PKN3: variants seen among roughly 807,000 people sequenced by gnomAD.
PKN3 encodes the protein protein kinase N3, also known as serine/threonine-protein kinase N3.
In PKN3, 91 loss-of-function variants were observed where a neutral mutation model predicts 113.1. The observed-to-expected ratio is 0.80, with a 90% CI of 0.68 to 0.96. The LOEUF (loss-of-function observed/expected upper bound fraction) is 0.96. Among genes scored for constraint, PKN3 ranks in the 40% least tolerant of loss-of-function variants. PKN3 has a pLI of 0.00. For synonymous variants in PKN3, 467 were observed against 499.0 expected, an observed-to-expected ratio of 0.94 and a Z score of 0.85; for missense variants, 1,052 against 1,202.2, an observed-to-expected ratio of 0.88 and a Z score of 1.85.
At chr9:128,708,855 AAG>A (rs1862097473) in intron 6 of PKN3, among the ~76,000 whole-genome samples, 3 of 123,890 alleles carry the variant, frequency 2.4e-5, no homozygotes, top group Non-Finnish European at 3.5e-5. Flanking sequence ...AAAAAAAAAA[AAG>A]AAAGAGTTTT....
chr9:128,706,660 G>C, intron 3 of PKN3, 53 bp from the exon 4 acceptor site: 2 of 1,332,790 alleles, frequency 1.5e-6, no homozygotes, highest in Non-Finnish European at 2.0e-6. Flanking sequence ...TGGTCTGATG[G>C]GGGAAGCTGT....
intron 1 of PKN3, among the ~76,000 whole-genome samples, chr9:128,704,755 C>T (rs1232250607): frequency 1.3e-5 from 2 of 151,980 alleles, no homozygotes; most frequent in Non-Finnish European, 2.9e-5. Context: ...CCCGTCCCTA[C>T]TAAAAATACA....
At position 128,713,595 on chromosome 9, in the gene PKN3, C is replaced by T. The variant is rs747628085; in HGVS notation, c.1189C>T (p.His397Tyr). ...TGAGGACTTCCTGGACAATGCCTGTCACCAACTGTCCCTCAGCCTGGTACC... is the reference window on the plus strand; with the variant it reads ...TGAGGACTTCCTGGACAATGCCTGTTACCAACTGTCCCTCAGCCTGGTACC... ...RLEDFLDNAC[H>Y]QLSLSLVPQG... The change falls in exon 9 of 22, where the codon CAC (histidine) becomes TAC (tyrosine). Residue 397 changes from histidine to tyrosine, a missense_variant. Physicochemically the swap from His to Tyr is moderately conservative, Grantham distance 83 (BLOSUM62 2). Around this residue, in one of 2 missense-constraint regions of PKN3, gnomAD observed 719 missense variants for 759.4 expected, o/e 0.95. Coordinates refer to ENST00000291906, the MANE Select transcript of PKN3 (RefSeq NM_013355.5). 13 of 1,613,700 alleles carry T rather than the reference C, an allele frequency of 8.1e-6. No individual in the cohort carries two copies. The highest frequency in any genetic ancestry group is 9.3e-6 in the Non-Finnish European group (11 of 1,180,012).
chr9:128,705,805 C>A lies in PKN3; in HGVS notation c.337C>A (p.Gln113Lys). 1 of 1,608,710 alleles carries A rather than the reference C, an allele frequency of 6.2e-7. No homozygotes were observed. The highest frequency in any genetic ancestry group is 8.5e-7 in the Non-Finnish European group (1 of 1,177,710). Residue 113 changes from glutamine (Q) to lysine (K), a missense_variant, in exon 3 of 22, where the codon CAG becomes AAG. Transcript: ENST00000291906. ...RARHLEALRR[Q>K]LHVELKVKQG... ...TCGGCACCTAGAGGCTCTCCGGAGGCAGCTGCATGTGGAGCTGAAGGTGAA... is the reference window on the plus strand; with the variant it reads ...TCGGCACCTAGAGGCTCTCCGGAGGAAGCTGCATGTGGAGCTGAAGGTGAA...
rs767195662 is a variant in PKN3, at chr9:128,714,653, G to A, written c.1573G>A (p.Glu525Lys). The change falls in exon 12 of 22, where the codon GAG becomes AAG. Residue 525 changes from glutamate to lysine, a missense_variant. Around this residue, in one of 2 missense-constraint regions of PKN3, gnomAD observed 719 missense variants for 759.4 expected, o/e 0.95. Coordinates refer to ENST00000291906, the MANE Select transcript of PKN3 (RefSeq NM_013355.5). The part of the protein sequence containing the change: ...RLYLPQEPTS[E>K]ETPRTKRPHM... ...CTACCTCCCCCAGGAGCCAACATCC[G>A]AGGAGACTCCGGTGAGGGGCTGGAG... 5.6e-6 allele frequency: 8 copies of A among 1,440,376 alleles called. No individual in the cohort carries two copies. Among genetic ancestry groups the A allele is most frequent in the Middle Eastern group, 1.7e-4 (1 of 5,754 alleles). 89.2% of individuals were successfully genotyped at this position (1,440,376 alleles called of 1,614,324 possible). A position where few individuals can be genotyped will look rare whatever the true frequency, so the allele number is the denominator to read the frequency against.
Position 128,716,845 on chromosome 9 carries a change from G to A in PKN3, c.1907G>A (p.Cys636Tyr). 1 of 1,614,034 alleles carries A rather than the reference G, an allele frequency of 6.2e-7. No homozygotes were observed. The highest frequency in any genetic ancestry group is 1.1e-5 in the South Asian group (1 of 91,088). The change falls in exon 16 of 22, where the codon TGC becomes TAC. Residue 636 changes from cysteine to tyrosine, a missense_variant. By Grantham distance (194) the Cys-to-Tyr change is radical. Coordinates refer to ENST00000291906, the MANE Select transcript of PKN3 (RefSeq NM_013355.5). ...LACFQTSSHA[C>Y]FVTEFVPGGD... ...TGCTTCCAGACCTCCAGCCATGCCT[G>A]CTTTGTGACTGAGTTTGTGCCTGGT...
intron 6 of PKN3, among the ~76,000 whole-genome samples, chr9:128,712,612 G>A (rs1862212075): frequency 6.6e-6 from 1 of 152,166 alleles, no homozygotes; most frequent in African/African-American, 2.4e-5. Flanking sequence ...CTCGTCATGT[G>A]CTGTGGCTCT....
intron 6 of PKN3, among the ~76,000 whole-genome samples, chr9:128,707,804 G>A (rs1003582363): frequency 1.9e-4 from 29 of 152,218 alleles, no homozygotes; most frequent in African/African-American, 7.0e-4. Flanking sequence ...TGGGCGTGGT[G>A]GCTCACGCTG....
intron 12 of PKN3, 46 bp downstream of exon 12, chr9:128,714,710 G>A (rs369072212): frequency 8.5e-6 from 12 of 1,411,478 alleles, no homozygotes; most frequent in Non-Finnish European, 1.2e-5. Context: ...GGCTGGGGCT[G>A]GCAGGGCCAC....
intron 2 of PKN3, 35 bp downstream of exon 2, chr9:128,705,578 G>C: frequency 6.5e-7 from 1 of 1,549,828 alleles, no homozygotes. Context: ...CAGGACAGAA[G>C]GCTCTAGGCC....
rs145409935 is a variant in PKN3 at position 128,713,350 on chromosome 9, A to G, written c.1055A>G (p.Gln352Arg). The change falls in exon 8 of 22, where the codon CAG (glutamine) becomes CGG (arginine). Residue 352 changes from glutamine (Q) to arginine (R), a missense_variant. Gln to Arg is a conservative substitution (Grantham distance 43). Around this residue, in one of 2 missense-constraint regions of PKN3, gnomAD observed 719 missense variants for 759.4 expected, o/e 0.95. Coordinates refer to ENST00000291906, the MANE Select transcript of PKN3 (RefSeq NM_013355.5). ...ACGGGCTGGGGGCAGGTGGCCGAAC[A>G]GTCCTGGGACCAGACCTTTGTCATC... ...GQTGWGQVAEQSWDQTFVIPL... is the reference protein window; with the variant it reads ...GQTGWGQVAERSWDQTFVIPL... 3.3e-4 allele frequency: 527 copies of G among 1,614,004 alleles called. 3 individuals carry two copies. The highest frequency in any genetic ancestry group is 6.2e-5 in the Non-Finnish European group (73 of 1,180,024).
chr9:128,713,018 A>G, intron 6 of PKN3, 34 bp from the exon 7 acceptor site: 1 of 1,560,768 alleles, frequency 6.4e-7, no homozygotes, highest in Non-Finnish European at 8.7e-7. Flanking sequence ...GGAAGATGGC[A>G]TCTGACAACG....
Position 128,702,913 on chromosome 9 carries a change from G to T in PKN3, c.-3G>T. The T allele has an allele frequency of 6.8e-7, 1 of 1,478,366 alleles. No individual in the cohort carries two copies. The allele number at this position is 1,478,366 out of a possible 1,614,324, so 91.6% of individuals were successfully genotyped here. ...AAGGGCCCCAAGCGGCCGGAGCGGCGCCATGGAGGAGGGGGCGCCGCGGCA... is the reference window on the plus strand; with the variant it reads ...AAGGGCCCCAAGCGGCCGGAGCGGCTCCATGGAGGAGGGGGCGCCGCGGCA... On this transcript the variant is annotated 5_prime_UTR_variant, in exon 1 of 22. Coordinates refer to ENST00000291906, the MANE Select transcript of PKN3 (RefSeq NM_013355.5).
chr9:128,704,078 C>T (rs1213542744), intron 1 of PKN3: 7 of 985,170 alleles, frequency 7.1e-6, no homozygotes, highest in South Asian at 4.7e-5. Context: ...GTCCCTGAGT[C>T]TGGGGTTGCG....
At chr9:128,718,902 G>T (rs57092304) in intron 18 of PKN3, among the ~76,000 whole-genome samples, 115,864 of 131,122 alleles carry the variant, frequency 0.88, 53,111 homozygotes, top group Non-Finnish European at 1. Context: ...TTTTTGGTTT[G>T]TTTTTTTTTT....
At chr9:128,705,109 C>T (rs533989020) in intron 1 of PKN3, among the ~76,000 whole-genome samples, 194 bp from the exon 2 acceptor site, 1 of 152,256 alleles carries the variant, frequency 6.6e-6, no homozygotes, top group East Asian at 1.9e-4. Context: ...AGGAGCCTGG[C>T]CTAGATGAGT....
intron 1 of PKN3, chr9:128,703,392 T>TC (rs1375671544): frequency 2.0e-6 from 2 of 985,242 alleles, no homozygotes. Context: ...CAGGAGTCCT[T>TC]CCCGGAGCAC....
At chr9:128,711,510 C>T (rs1488435561) in intron 6 of PKN3, among the ~76,000 whole-genome samples, 1 of 151,702 alleles carries the variant, frequency 6.6e-6, no homozygotes, top group African/African-American at 2.4e-5. Context: ...CGAGGTTTCA[C>T]CATGGTCTTG....
chr9:128,703,794 T>G, intron 1 of PKN3: 1 of 985,364 alleles, frequency 1.0e-6, no homozygotes, highest in South Asian at 4.7e-5. Context: ...TGGGGCTCGG[T>G]CTGCCCCCTC....
Sources: gnomAD v4.1 joint callset for allele counts (sites outside exome capture counted in the v4.1 genomes callset) on GRCh38, gnomAD v4.1.1 for gene constraint, gnomAD v4.1.1 regional missense constraint, MANE v1.5 for transcripts, NCBI Gene and HGNC (gene_info 2026-07-23, HGNC 2026-07-21) for gene names.